Variants in RASAL2 observed in about 807,000 individuals in gnomAD.
RASAL2 encodes RAS protein activator like 2.
A neutral mutation model predicts 128.9 loss-of-function variants in RASAL2; 58 were observed. That is an observed-to-expected ratio of 0.45 (90% CI 0.36 to 0.56). The LOEUF is 0.56. RASAL2 is among the 20% of genes least tolerant of loss of function. The pLI, the probability that RASAL2 is intolerant of heterozygous loss-of-function variation, is 0.00. For synonymous variants in RASAL2, 561 were observed against 580.8 expected (o/e 0.97, Z 0.49); for missense variants, 1,360 against 1,601.6 (o/e 0.85, Z 2.57).
At chr1:178,325,858 T>A (rs1186066191) in intron 3 of RASAL2, among the ~76,000 whole-genome samples, 1 of 152,110 alleles carries the variant, frequency 6.6e-6, no homozygotes, top group Admixed American at 6.6e-5. Context: ...CCTAGCACTT[T>A]AACAGAAAGA....
At chr1:178,425,885 T>C (rs1510265) in intron 5 of RASAL2, among the ~76,000 whole-genome samples, 1 of 152,062 alleles carries the variant, frequency 6.6e-6, no homozygotes, top group Non-Finnish European at 1.5e-5. Context: ...CCCAATAATA[T>C]AGGACTCTGT....
chr1:178,279,897 A>C (rs1250826442), intron 1 of RASAL2, among the ~76,000 whole-genome samples: 1 of 152,126 alleles, frequency 6.6e-6, no homozygotes, highest in African/African-American at 2.4e-5. Flanking sequence ...CTTTTTTGAT[A>C]TTATATAATG....
At chr1:178,264,593 AGAG>A (rs894226485) in intron 1 of RASAL2, among the ~76,000 whole-genome samples, 3 of 152,214 alleles carry the variant, frequency 2.0e-5, no homozygotes, top group African/African-American at 7.2e-5. Context: ...AGGATATCAT[AGAG>A]GACACAAATG....
At chr1:178,197,801 T>G (rs933544937) in intron 1 of RASAL2, among the ~76,000 whole-genome samples, 1 of 152,098 alleles carries the variant, frequency 6.6e-6, no homozygotes, top group African/African-American at 2.4e-5. Context: ...CTGCACCCAT[T>G]AACTCATCAT....
chr1:178,214,296 G>A (rs886431874), intron 1 of RASAL2, among the ~76,000 whole-genome samples: 2 of 150,784 alleles, frequency 1.3e-5, no homozygotes, highest in Non-Finnish European at 1.5e-5. Flanking sequence ...TGAATGAATG[G>A]ATGAATAAAT....
chr1:178,434,720 A>G (rs1222993229), intron 5 of RASAL2, among the ~76,000 whole-genome samples: 1 of 152,008 alleles, frequency 6.6e-6, no homozygotes, highest in Non-Finnish European at 1.5e-5. Flanking sequence ...CTTTGCACAT[A>G]AGTAGAGCTC....
intron 1 of RASAL2, among the ~76,000 whole-genome samples, chr1:178,264,572 A>C (rs935684124): frequency 6.6e-6 from 1 of 152,200 alleles, no homozygotes; most frequent in African/African-American, 2.4e-5. Flanking sequence ...TACTATTATC[A>C]GTTTACCAAA....
chr1:178,322,550 G>A (rs1345011260), intron 3 of RASAL2, among the ~76,000 whole-genome samples: 1 of 152,094 alleles, frequency 6.6e-6, no homozygotes, highest in Non-Finnish European at 1.5e-5. Context: ...CCAACAACCT[G>A]TTCTCATGTG....
At chr1:178,300,205 T>G in intron 3 of RASAL2, 87 bp downstream of exon 3, 1 of 1,393,186 alleles carries the variant, frequency 7.2e-7, no homozygotes, top group Non-Finnish European at 9.7e-7. Context: ...ACATCCTGCA[T>G]TTCCTGTTAA....
intron 4 of RASAL2, among the ~76,000 whole-genome samples, chr1:178,413,394 G>A (rs1674540370): frequency 6.6e-6 from 1 of 152,146 alleles, no homozygotes; most frequent in East Asian, 1.9e-4. Context: ...GTGGGGTGAG[G>A]GGCACTGAGC....
At chr1:178,110,242 A>T (rs1659246918) in intron 1 of RASAL2, among the ~76,000 whole-genome samples, 1 of 151,862 alleles carries the variant, frequency 6.6e-6, no homozygotes, top group Non-Finnish European at 1.5e-5. Context: ...TTCTATCTGT[A>T]TAGATTAGTT....
At chr1:178,464,127 G>A in intron 14 of RASAL2, 151 bp from the exon 15 acceptor site, 1 of 882,010 alleles carries the variant, frequency 1.1e-6, no homozygotes, top group Non-Finnish European at 1.6e-6. Context: ...CCCACCCCTA[G>A]CCTTGGCATT....
chr1:178,385,917 C>T (rs2102585654), intron 3 of RASAL2, among the ~76,000 whole-genome samples: 1 of 152,322 alleles, frequency 6.6e-6, no homozygotes, highest in South Asian at 2.1e-4. Flanking sequence ...CTCACCTTTG[C>T]AGTGCAACTA....
chr1:178,333,673 A>T (rs1340882371), intron 3 of RASAL2, among the ~76,000 whole-genome samples: 2 of 152,230 alleles, frequency 1.3e-5, no homozygotes, highest in African/African-American at 4.8e-5. Flanking sequence ...CCCATGGGGC[A>T]CATTTACCTG....
At chr1:178,281,059 C>T (rs987231179) in intron 1 of RASAL2, among the ~76,000 whole-genome samples, 1 of 151,902 alleles carries the variant, frequency 6.6e-6, no homozygotes, top group Non-Finnish European at 1.5e-5. Context: ...AATTTTATTA[C>T]TTAAAATGCC....
At chr1:178,463,102 G>T (rs1647276305) in intron 14 of RASAL2, among the ~76,000 whole-genome samples, 1 of 151,956 alleles carries the variant, frequency 6.6e-6, no homozygotes, top group African/African-American at 2.4e-5. Flanking sequence ...ATTTCAGAAT[G>T]GTATAAAGAT....
chr1:178,305,619 A>G (rs1437033796), intron 3 of RASAL2, among the ~76,000 whole-genome samples: 3 of 152,174 alleles, frequency 2.0e-5, no homozygotes, highest in Non-Finnish European at 4.4e-5. Flanking sequence ...GAAGACTGGG[A>G]GAAACTAGTT....
chr1:178,198,389 A>C (rs904762602), intron 1 of RASAL2, among the ~76,000 whole-genome samples: 1 of 152,022 alleles, frequency 6.6e-6, no homozygotes, highest in Non-Finnish European at 1.5e-5. Context: ...GGTTTTTAGA[A>C]TTTTCAGCTT....
intron 3 of RASAL2, among the ~76,000 whole-genome samples, chr1:178,388,813 TA>T (rs1672731768): frequency 6.6e-6 from 1 of 152,212 alleles, no homozygotes; most frequent in Admixed American, 6.5e-5. Flanking sequence ...TGCTGCAGAT[TA>T]GTGTAAGACA....
Sources: allele counts gnomAD v4.1 joint callset (sites outside exome capture counted in the v4.1 genomes callset), GRCh38; gene constraint gnomAD v4.1.1; transcripts MANE v1.5; gene names NCBI Gene and HGNC (gene_info 2026-07-23, HGNC 2026-07-21).